Variants in SLC39A11 observed in about 807,000 individuals in gnomAD.
SLC39A11 encodes solute carrier family 39 member 11.
Under a neutral mutation model 36.1 loss-of-function variants are expected in SLC39A11, and 33 were observed. The observed-to-expected ratio is 0.91, with a 90% CI of 0.69 to 1.22. SLC39A11 has a LOEUF of 1.22. Among genes scored for constraint, SLC39A11 ranks in the 50% most tolerant of loss-of-function variants. SLC39A11 has a pLI of 0.00. For synonymous variants in SLC39A11, 166 were observed against 170.3 expected, an observed-to-expected ratio of 0.97 and a Z score of 0.20; for missense variants, 432 against 430.3, an observed-to-expected ratio of 1.00 and a Z score of -0.03.
At chr17:72,942,942 G>A (rs984304143) in intron 5 of SLC39A11, among the ~76,000 whole-genome samples, 3 of 152,182 alleles carry the variant, frequency 2.0e-5, no homozygotes, top group Non-Finnish European at 4.4e-5. Context: ...AGACAAACAC[G>A]TAAGCAGTAG....
intron 7 of SLC39A11, among the ~76,000 whole-genome samples, chr17:72,661,789 T>C (rs2070433620): frequency 6.6e-6 from 1 of 152,128 alleles, no homozygotes; most frequent in Non-Finnish European, 1.5e-5. Context: ...GCTGGCGAGA[T>C]GAGATGACCC....
At chr17:72,761,877 T>A (rs1330064349) in intron 6 of SLC39A11, among the ~76,000 whole-genome samples, 1 of 152,210 alleles carries the variant, frequency 6.6e-6, no homozygotes, top group African/African-American at 2.4e-5. Context: ...TGCAGGGTCA[T>A]GCTATTCCCA....
chr17:72,821,399 A>C (rs903433485), intron 6 of SLC39A11, among the ~76,000 whole-genome samples: 1 of 149,222 alleles, frequency 6.7e-6, no homozygotes, highest in African/African-American at 2.4e-5. Context: ...CCAGCTACTC[A>C]GGAGGCGGAG....
At chr17:72,887,476 C>T (rs2081494733) in intron 5 of SLC39A11, among the ~76,000 whole-genome samples, 1 of 152,206 alleles carries the variant, frequency 6.6e-6, no homozygotes, top group Non-Finnish European at 1.5e-5. Flanking sequence ...CCTGTGTATG[C>T]AGTAGGTGGC....
chr17:72,665,259 C>G (rs1196207408), intron 7 of SLC39A11, among the ~76,000 whole-genome samples: 2 of 152,100 alleles, frequency 1.3e-5, no homozygotes, highest in African/African-American at 4.8e-5. Context: ...GCAGCCCCAG[C>G]TGACCTCTCT....
At chr17:72,937,317 T>C (rs1032868434) in intron 5 of SLC39A11, among the ~76,000 whole-genome samples, 2 of 152,030 alleles carry the variant, frequency 1.3e-5, no homozygotes, top group African/African-American at 4.8e-5. Context: ...TAGCTGGGCA[T>C]GGTAGCGCAT....
chr17:73,000,044 C>T (rs568036023), intron 4 of SLC39A11, among the ~76,000 whole-genome samples: 8 of 152,110 alleles, frequency 5.3e-5, no homozygotes, highest in African/African-American at 1.9e-4. Flanking sequence ...CACACCTGGC[C>T]GGTATCCTGT....
At chr17:72,699,099 G>T (rs1006214206) in intron 7 of SLC39A11, among the ~76,000 whole-genome samples, 4 of 152,154 alleles carry the variant, frequency 2.6e-5, no homozygotes, top group Admixed American at 2.6e-4. Context: ...AAAGTGCTGG[G>T]ATTACAGGGG....
Position 72,648,859 on chromosome 17 carries a change from A to G in SLC39A11, c.873T>C (p.Ala291=). Residue 291 remains alanine, a synonymous_variant, in exon 9 of 10, where the codon GCT becomes GCC. Transcript: ENST00000255559. The stretch of plus-strand genomic sequence containing the variant: ...TGACCACGTAGACCATGGCACCGGC[A>G]GCAAAGGCCAGAGCGTAGGGCAGGA... ...EPILPYALAF[A]AGAMVYVVMD... is the part of the protein sequence containing the mutation. 1 of 1,614,204 alleles carries G rather than the reference A, an allele frequency of 6.2e-7. No homozygotes were observed.
intron 5 of SLC39A11, among the ~76,000 whole-genome samples, chr17:72,884,596 T>C (rs1054660727): frequency 5.3e-5 from 8 of 152,226 alleles, no homozygotes; most frequent in African/African-American, 1.7e-4. Flanking sequence ...AACTATCATG[T>C]TCAGTATCTT....
At chr17:72,796,418 C>T (rs934340) in intron 6 of SLC39A11, among the ~76,000 whole-genome samples, 9,305 of 152,128 alleles carry the variant, frequency 0.061, 513 homozygotes, top group African/African-American at 0.14. Flanking sequence ...TGCTGCGCTC[C>T]TATTCCCAAG....
At chr17:72,732,772 A>C (rs9895372) in intron 7 of SLC39A11, among the ~76,000 whole-genome samples, 6,605 of 150,758 alleles carry the variant, frequency 0.044, 191 homozygotes, top group African/African-American at 0.09. Context: ...TAAGGACTTT[A>C]TGTTTGTTCC....
chr17:72,922,100 G>C (rs2083698728), intron 5 of SLC39A11, among the ~76,000 whole-genome samples: 1 of 152,122 alleles, frequency 6.6e-6, no homozygotes, highest in African/African-American at 2.4e-5. Context: ...CAAAGATATG[G>C]CTCCCACATC....
intron 7 of SLC39A11, among the ~76,000 whole-genome samples, chr17:72,668,319 T>G (rs562905736): frequency 5.2e-4 from 79 of 151,626 alleles, no homozygotes; most frequent in African/African-American, 1.8e-3. Flanking sequence ...AAAAAAAAAT[T>G]CCCTAGCTCT....
At chr17:73,090,635 T>C (rs570024348) in intron 1 of SLC39A11, among the ~76,000 whole-genome samples, 3 of 152,326 alleles carry the variant, frequency 2.0e-5, no homozygotes, top group African/African-American at 4.8e-5. Flanking sequence ...AACACCTTTC[T>C]TTCCTGTATT....
rs867101845 is a variant in SLC39A11 at position 72,900,157 on chromosome 17, G to A, written c.430+47595C>T. ...AAGAAAGAAAAAGAAAGAAAGAAAA[G>A]AAAGAAAGAAAGAAAGAAAGAAAGA... On this transcript the variant is annotated intron_variant, in intron 5 of 9. Coordinates refer to ENST00000255559, the MANE Select transcript of SLC39A11 (RefSeq NM_139177.4). Among the ~76,000 whole-genome samples the A allele has an allele frequency of 3.2e-4, 8 of 24,828 alleles. 2 individuals are homozygous for A. Among genetic ancestry groups the A allele is most frequent in the East Asian group, 5.6e-4 (1 of 1,798 alleles). 16.3% of individuals were successfully genotyped at this position (24,828 alleles called of 152,430 possible). A position where few individuals can be genotyped will look rare whatever the true frequency, so the allele number is the denominator to read the frequency against.
At chr17:72,740,738 G>T (rs2074659403) in intron 6 of SLC39A11, among the ~76,000 whole-genome samples, 1 of 152,160 alleles carries the variant, frequency 6.6e-6, no homozygotes, top group Non-Finnish European at 1.5e-5. Context: ...CTGCTCATGA[G>T]GAGATGCTCA....
At chr17:72,702,165 G>A (rs1220390465) in intron 7 of SLC39A11, among the ~76,000 whole-genome samples, 1 of 152,200 alleles carries the variant, frequency 6.6e-6, no homozygotes, top group Non-Finnish European at 1.5e-5. Context: ...CACTAACCTT[G>A]GATATACCAA....
At chr17:72,745,309 G>GT (rs2074888620) in intron 6 of SLC39A11, among the ~76,000 whole-genome samples, 1 of 152,258 alleles carries the variant, frequency 6.6e-6, no homozygotes, top group Non-Finnish European at 1.5e-5. Flanking sequence ...CAGAGGTGCT[G>GT]TGGGGACATT....
Sources: gnomAD v4.1 joint callset for allele counts (sites outside exome capture counted in the v4.1 genomes callset) on GRCh38, gnomAD v4.1.1 for gene constraint, MANE v1.5 for transcripts, NCBI Gene and HGNC (gene_info 2026-07-23, HGNC 2026-07-21) for gene names.